Variants in SMAGP observed in about 807,000 individuals in gnomAD.
The protein encoded by SMAGP is small cell adhesion glycoprotein, also known as small cell transmembrane and glycosylated protein.
A neutral mutation model predicts 10.1 loss-of-function variants in SMAGP; 7 were observed. The ratio of observed to expected loss-of-function variants is 0.70; its 90% CI spans 0.40 to 1.31. The LOEUF is 1.31. Ranked by LOEUF, SMAGP falls within the 50% of genes most tolerant of loss-of-function variation. SMAGP has a pLI of 0.01. For missense variants in SMAGP, 113 were observed against 116.5 expected (o/e 0.97, Z 0.14); for synonymous variants, 49 against 47.2 (o/e 1.04, Z -0.16).
In SMAGP at chr12:51,244,567, C is replaced by T. The variant is rs1944739145; in HGVS notation, c.*1374G>A. 6.6e-6 allele frequency: 1 copy of T among 152,200 alleles called. No individual in the cohort carries two copies. The highest frequency in any genetic ancestry group is 2.1e-4 in the South Asian group (1 of 4,834). 9.4% of individuals were successfully genotyped at this position (152,200 alleles called of 1,614,324 possible). A position where few individuals can be genotyped will look rare whatever the true frequency, so the allele number is the denominator to read the frequency against. ...CAACAGAGGCAATACATTAAGACTTCAAAGGAGATCTAGCTTTAATTCCAA... is the reference window on the plus strand; with the variant it reads ...CAACAGAGGCAATACATTAAGACTTTAAAGGAGATCTAGCTTTAATTCCAA... On this transcript the variant is annotated 3_prime_UTR_variant, in exon 4 of 4. Coordinates refer to ENST00000603798, the MANE Select transcript of SMAGP (RefSeq NM_001031628.2).
intron 2 of SMAGP, among the ~76,000 whole-genome samples, chr12:51,265,393 G>A (rs1408288128): frequency 6.6e-6 from 1 of 152,096 alleles, no homozygotes. Context: ...CTGAAAGCAG[G>A]GTCTCAAGAA....
At chr12:51,264,530 G>A (rs777968112) in intron 2 of SMAGP, among the ~76,000 whole-genome samples, 4 of 152,012 alleles carry the variant, frequency 2.6e-5, no homozygotes, top group Non-Finnish European at 5.9e-5. Flanking sequence ...GGAGTCTGAG[G>A]TGGGAGGATC....
chr12:51,262,543 G>T (rs532956686), intron 2 of SMAGP, among the ~76,000 whole-genome samples: 1 of 152,174 alleles, frequency 6.6e-6, no homozygotes, highest in Admixed American at 6.6e-5. Flanking sequence ...GGCATAAAAG[G>T]AGGAAATGGC....
Position 51,268,615 on chromosome 12 carries a change from G to A in SMAGP, c.34+630C>T, listed in dbSNP as rs1398983436. Among the ~76,000 whole-genome samples, 3 of 46,360 alleles carry A rather than the reference G, an allele frequency of 6.5e-5. No individual in the cohort carries two copies. In the Admixed American group the frequency reaches 9.5e-4, roughly 15 times the overall value. 30.4% of individuals were successfully genotyped at this position (46,360 alleles called of 152,430 possible). On this transcript the variant is annotated intron_variant, in intron 2 of 3. Coordinates refer to ENST00000603798, the MANE Select transcript of SMAGP (RefSeq NM_001031628.2). ...CCCTCCCTTCCTATTTTTTGAGACCGGTCTCACTTTGTTGCCCAGGCTGGA... is the reference window on the plus strand; with the variant it reads ...CCCTCCCTTCCTATTTTTTGAGACCAGTCTCACTTTGTTGCCCAGGCTGGA...
chr12:51,254,140 G>C (rs1376265021), intron 2 of SMAGP, among the ~76,000 whole-genome samples: 1 of 152,164 alleles, frequency 6.6e-6, no homozygotes. Flanking sequence ...AATACTGCTG[G>C]ACTGTACACT....
intron 2 of SMAGP, among the ~76,000 whole-genome samples, chr12:51,255,525 G>A (rs1226387930): frequency 6.6e-6 from 1 of 152,204 alleles, no homozygotes; most frequent in Non-Finnish European, 1.5e-5. Context: ...GAGGATGAGA[G>A]GCCATATGGA....
chr12:51,251,970 G>A (rs1045704611), intron 2 of SMAGP, among the ~76,000 whole-genome samples: 1 of 152,198 alleles, frequency 6.6e-6, no homozygotes, highest in African/African-American at 2.4e-5. Context: ...TTGCTGCGAT[G>A]CAGCTATTGG....
chr12:51,270,003 C>T (rs951636122), intron 1 of SMAGP: 9 of 151,788 alleles, frequency 5.9e-5, no homozygotes, highest in African/African-American at 1.7e-4. Flanking sequence ...CTGGGTTGGT[C>T]CTCGCCCCGC....
rs1944749698 is a variant in SMAGP at position 51,245,130 on chromosome 12, C to G, written c.*811G>C. On this transcript the variant is annotated 3_prime_UTR_variant, in exon 4 of 4. Coordinates refer to ENST00000603798, the MANE Select transcript of SMAGP (RefSeq NM_001031628.2). ...GCGTGAGCCACCGAACCCGGCCCTC[C>G]CAGGGTATGTTTCTAATGATGTTCC... 6.6e-6 allele frequency: 1 copy of G among 152,100 alleles called. No individual in the cohort carries two copies. The highest frequency in any genetic ancestry group is 1.5e-5 in the Non-Finnish European group (1 of 68,056). The allele number at this position is 152,100 out of a possible 1,614,324, so 9.4% of individuals were successfully genotyped here. A position where few individuals can be genotyped will look rare whatever the true frequency, so the allele number is the denominator to read the frequency against.
Position 51,254,545 on chromosome 12 carries a change from T to G in SMAGP, c.35-7714A>C, listed in dbSNP as rs144628172. ...CTGGGTGACAGAGAGAGACTCCATC[T>G]AAAAAAAAAAGTAAAAATAAATAAT... is the stretch of plus-strand genomic sequence containing the variant. On this transcript the variant is annotated intron_variant, in intron 2 of 3. Coordinates refer to ENST00000603798, the MANE Select transcript of SMAGP (RefSeq NM_001031628.2). 6.2e-4 allele frequency among the ~76,000 whole-genome samples: 91 copies of G among 147,830 alleles called. No homozygotes were observed. In the East Asian group the frequency reaches 0.016, roughly 26 times the overall value.
chr12:51,266,069 G>A lies in SMAGP; in HGVS notation c.34+3176C>T, dbSNP rs528139317. 2.0e-4 allele frequency among the ~76,000 whole-genome samples: 31 copies of A among 151,332 alleles called. No homozygotes were observed. The South Asian group carries it at 4.6e-3, about 23-fold the overall frequency. Reference sequence around the variant, plus strand: ...TGCACTCCAGCCTGGGTGACAGAGCGAGACTCCGTCTCAAAAAAAAAAAAC... The same window carrying A: ...TGCACTCCAGCCTGGGTGACAGAGCAAGACTCCGTCTCAAAAAAAAAAAAC... On this transcript the variant is annotated intron_variant, in intron 2 of 3. Transcript: ENST00000603798.
rs1221981867 is a variant in SMAGP, at chr12:51,244,626, C to T, written c.*1315G>A. Reference sequence around the variant, plus strand: ...ATATCTGATGAGCTAATAATTTATACCAAAATGTGCCTTTTAAACACAACT... The same window carrying T: ...ATATCTGATGAGCTAATAATTTATATCAAAATGTGCCTTTTAAACACAACT... On this transcript the variant is annotated 3_prime_UTR_variant, in exon 4 of 4. Coordinates refer to ENST00000603798, the MANE Select transcript of SMAGP (RefSeq NM_001031628.2). 2.0e-5 allele frequency: 3 copies of T among 151,904 alleles called. No individual in the cohort carries two copies. The highest frequency in any genetic ancestry group is 4.8e-5 in the African/African-American group (2 of 41,248). 9.4% of individuals were successfully genotyped at this position (151,904 alleles called of 1,614,324 possible).
At chr12:51,256,774 C>A (rs1478538945) in intron 2 of SMAGP, among the ~76,000 whole-genome samples, 26 of 102,526 alleles carry the variant, frequency 2.5e-4, no homozygotes, top group African/African-American at 6.2e-4. Context: ...ACCTCCCCCC[C>A]ACCCAAAAAA....
intron 2 of SMAGP, among the ~76,000 whole-genome samples, chr12:51,259,637 C>T (rs1193224707): frequency 6.6e-6 from 1 of 152,072 alleles, no homozygotes; most frequent in African/African-American, 2.4e-5. Flanking sequence ...CTAAAAAAAC[C>T]ACTGACACTG....
chr12:51,249,861 C>T (rs1944819667), intron 2 of SMAGP, among the ~76,000 whole-genome samples: 1 of 151,810 alleles, frequency 6.6e-6, no homozygotes, highest in South Asian at 2.1e-4. Context: ...GAGTGATCCA[C>T]CTGCCTCGGC....
At chr12:51,268,603 T>A (rs1003240584) in intron 2 of SMAGP, among the ~76,000 whole-genome samples, 6 of 17,556 alleles carry the variant, frequency 3.4e-4, no homozygotes, top group Non-Finnish European at 9.5e-4. Context: ...TCCCTTCCTA[T>A]TTTTTGAGAC....
intron 3 of SMAGP, 158 bp downstream of exon 3, chr12:51,246,593 G>A (rs1245729373): frequency 3.9e-6 from 2 of 508,504 alleles, no homozygotes; most frequent in Non-Finnish European, 6.4e-6. Context: ...AAGCCTCCGA[G>A]TCTTTTATGG....
intron 2 of SMAGP, among the ~76,000 whole-genome samples, chr12:51,256,075 T>A (rs1254259662): frequency 6.6e-6 from 1 of 152,116 alleles, no homozygotes; most frequent in African/African-American, 2.4e-5. Context: ...CCAACCCCTT[T>A]TTCTAATTTC....
intron 2 of SMAGP, among the ~76,000 whole-genome samples, chr12:51,250,765 T>C (rs1944830422): frequency 6.6e-6 from 1 of 152,160 alleles, no homozygotes; most frequent in African/African-American, 2.4e-5. Flanking sequence ...CTCCTGGTAT[T>C]GACATCTTTG....
Sources: allele counts gnomAD v4.1 joint callset (sites outside exome capture counted in the v4.1 genomes callset), GRCh38; gene constraint gnomAD v4.1.1; transcripts MANE v1.5; gene names NCBI Gene and HGNC (gene_info 2026-07-23, HGNC 2026-07-21).